The following SLC2A9 variants were observed in gnomAD, a reference collection of about 807,000 sequenced individuals.
The protein encoded by SLC2A9 is solute carrier family 2, facilitated glucose transporter member 9.
A neutral mutation model predicts 50.6 loss-of-function variants in SLC2A9; 39 were observed. That is an observed-to-expected ratio of 0.77 (90% CI 0.60 to 1.01). SLC2A9 has a LOEUF of 1.01. Among genes scored for constraint, SLC2A9 ranks in the 50% least tolerant of loss-of-function variants. The pLI, the probability that SLC2A9 is intolerant of heterozygous loss-of-function variation, is 0.00. For synonymous variants in SLC2A9, 324 were observed against 276.9 expected (o/e 1.17, Z -1.69); for missense variants, 686 against 677.6 (o/e 1.01, Z -0.14).
At chr4:10,001,136 C>G (rs1759720913) in intron 2 of SLC2A9, among the ~76,000 whole-genome samples, 1 of 152,142 alleles carries the variant, frequency 6.6e-6, no homozygotes, top group Non-Finnish European at 1.5e-5. Flanking sequence ...AAAGAGGACA[C>G]AAAGACAGAC....
At chr4:9,793,943 C>T (rs2108895032) in intron 3 of SLC2A9, among the ~76,000 whole-genome samples, 1 of 152,276 alleles carries the variant, frequency 6.6e-6, no homozygotes, top group Middle Eastern at 3.4e-3. Flanking sequence ...AAGGAATGAA[C>T]ATCAGACCAG....
chr4:9,875,139 G>GCTTC (rs200234557), intron 10 of SLC2A9, among the ~76,000 whole-genome samples: 1 of 28,252 alleles, frequency 3.5e-5, no homozygotes, highest in African/African-American at 1.6e-4. Flanking sequence ...CCATAGGTTA[G>GCTTC]TGTCTAAGAT....
chr4:9,846,565 C>G (rs78966124), intron 10 of SLC2A9, among the ~76,000 whole-genome samples: 1,601 of 152,254 alleles, frequency 0.011, 36 homozygotes, highest in African/African-American at 0.036. Flanking sequence ...AGGCTTTGGT[C>G]CTTCTCTAGA....
chr4:9,893,214 GC>G (rs772189056), intron 8 of SLC2A9, among the ~76,000 whole-genome samples: 34 of 151,800 alleles, frequency 2.2e-4, no homozygotes, highest in African/African-American at 7.0e-4. Context: ...TCACTTTTCT[GC>G]CCCCCCACCC....
intron 10 of SLC2A9, among the ~76,000 whole-genome samples, chr4:9,861,238 G>C (rs1731576666): frequency 6.6e-6 from 1 of 152,162 alleles, no homozygotes; most frequent in Admixed American, 6.5e-5. Context: ...GAAGGCAAAG[G>C]AGAAGTGAGG....
At chr4:9,800,844 C>G (rs1577322169) in intron 3 of SLC2A9, among the ~76,000 whole-genome samples, 2 of 152,204 alleles carry the variant, frequency 1.3e-5, no homozygotes, top group Non-Finnish European at 2.9e-5. Flanking sequence ...GGGACTTGAG[C>G]ATTTGTGGAT....
intron 3 of SLC2A9, among the ~76,000 whole-genome samples, chr4:9,793,392 G>A (rs1439403366): frequency 6.6e-6 from 1 of 152,198 alleles, no homozygotes; most frequent in African/African-American, 2.4e-5. Context: ...CACCGTCGGT[G>A]GGGAGAACAC....
At chr4:9,987,696 G>GT (rs1307271138) in intron 3 of SLC2A9, among the ~76,000 whole-genome samples, 9 of 152,160 alleles carry the variant, frequency 5.9e-5, no homozygotes, top group Non-Finnish European at 1.0e-4. Context: ...AAAAATATAA[G>GT]TTTTTTTCTC....
intron 10 of SLC2A9, among the ~76,000 whole-genome samples, chr4:9,887,233 C>G (rs1179740045): frequency 6.6e-6 from 1 of 152,240 alleles, no homozygotes; most frequent in Non-Finnish European, 1.5e-5. Context: ...ACGGTAACTG[C>G]TTAGGCACAG....
rs927458737 is a variant in SLC2A9, at chr4:9,845,439, T to C, written c.1292-10431A>G. 3.5e-4 allele frequency among the ~76,000 whole-genome samples: 47 copies of C among 135,120 alleles called. 1 individual carries two copies. Among genetic ancestry groups the C allele is most frequent in the African/African-American group, 1.4e-3 (46 of 32,832 alleles). The allele number at this position is 135,120 out of a possible 152,430, so 88.6% of individuals were successfully genotyped here. Reference sequence around the variant, plus strand: ...CGATCATCAATTTCTTTTTTTTTTTTTTTTTTTTGAGACGGAGTCTCGCTC... The same window carrying C: ...CGATCATCAATTTCTTTTTTTTTTTCTTTTTTTTGAGACGGAGTCTCGCTC... On this transcript the variant is annotated intron_variant, in intron 10 of 11. Transcript: ENST00000264784.
At chr4:9,962,570 G>C (rs114939228) in intron 5 of SLC2A9, among the ~76,000 whole-genome samples, 2,149 of 152,212 alleles carry the variant, frequency 0.014, 76 homozygotes, top group East Asian at 0.12. Context: ...CCTATCGGGG[G>C]ACCTGGGCAG....
At chr4:9,985,542 C>G in intron 4 of SLC2A9, 127 bp downstream of exon 4, 1 of 1,299,658 alleles carries the variant, frequency 7.7e-7, no homozygotes, top group Non-Finnish European at 1.1e-6. Flanking sequence ...TTCCAGCATC[C>G]TTGGTCCCTG....
upstream of SLC2A9, among the ~76,000 whole-genome samples, chr4:10,022,679 T>C (rs12509955): frequency 0.73 from 111,645 of 152,090 alleles, 41,708 homozygotes; most frequent in East Asian, 0.98. Flanking sequence ...AAAAGAGAGA[T>C]CGAAAAGTTA....
At chr4:9,816,312 C>G (rs1723586580) in intron 3 of SLC2A9, among the ~76,000 whole-genome samples, 1 of 152,134 alleles carries the variant, frequency 6.6e-6, no homozygotes, top group Non-Finnish European at 1.5e-5. Flanking sequence ...TTTTCTGCTG[C>G]TGCTGTAACT....
intron 8 of SLC2A9, among the ~76,000 whole-genome samples, chr4:9,902,342 A>G (rs979516893): frequency 1.3e-5 from 2 of 152,184 alleles, no homozygotes; most frequent in African/African-American, 4.8e-5. Flanking sequence ...GGCCCAAGTG[A>G]GCACTTGCTG....
At chr4:9,997,677 G>A (rs1363094649) in intron 2 of SLC2A9, among the ~76,000 whole-genome samples, 1 of 151,880 alleles carries the variant, frequency 6.6e-6, no homozygotes, top group Non-Finnish European at 1.5e-5. Flanking sequence ...TCCAGCCTGG[G>A]TGACAGAGTG....
rs529675286 is a variant in SLC2A9 at position 10,030,743 on chromosome 4, C to T, written c.-40-4737G>A. On this transcript the variant is annotated intron_variant, in intron 1 of 12. Coordinates refer to the SLC2A9 transcript ENST00000309065. The stretch of plus-strand genomic sequence containing the variant: ...AACTCTAAACTAGATGCTAAAAGGC[C>T]TTTCCCATCTTTCTGGTCCAAATCT... 9.2e-5 allele frequency among the ~76,000 whole-genome samples: 14 copies of T among 152,310 alleles called. No homozygotes were observed. The East Asian group carries it at 2.7e-3, about 29-fold the overall frequency.
chr4:9,915,385 G>C (rs1742680825), intron 7 of SLC2A9, among the ~76,000 whole-genome samples: 1 of 152,182 alleles, frequency 6.6e-6, no homozygotes, highest in Non-Finnish European at 1.5e-5. Context: ...TTACAGGCAT[G>C]TGCCACCACG....
chr4:9,898,513 C>T (rs574813839), intron 8 of SLC2A9, among the ~76,000 whole-genome samples: 82 of 152,248 alleles, frequency 5.4e-4, no homozygotes, highest in Non-Finnish European at 7.5e-4. Flanking sequence ...AAACTGCATG[C>T]GGTACTCCGT....
Sources: gnomAD v4.1 joint callset for allele counts (sites outside exome capture counted in the v4.1 genomes callset) on GRCh38, gnomAD v4.1.1 for gene constraint, MANE v1.5 for transcripts, NCBI Gene and HGNC (gene_info 2026-07-23, HGNC 2026-07-21) for gene names.